METTL6: variants seen among roughly 807,000 people sequenced by gnomAD.
The protein encoded by METTL6 is tRNA N(3)-cytidine methyltransferase METTL6.
A neutral mutation model predicts 26.4 loss-of-function variants in METTL6; 22 were observed. The ratio of observed to expected loss-of-function variants is 0.83; its 90% confidence interval spans 0.59 to 1.19. METTL6 has a LOEUF of 1.19. Among genes scored for constraint, METTL6 ranks in the 50% most tolerant of loss-of-function variants. The pLI is 0.00. For missense variants in METTL6, 304 were observed against 324.8 expected, an observed-to-expected ratio of 0.94 and a Z score of 0.49; for synonymous variants, 109 against 116.2, an observed-to-expected ratio of 0.94 and a Z score of 0.40.
chr3:15,403,555 T>C (rs1699705588), intron 6 of METTL6, among the ~76,000 whole-genome samples: 1 of 152,194 alleles, frequency 6.6e-6, no homozygotes, highest in Non-Finnish European at 1.5e-5. Context: ...CTTCCTCTTT[T>C]TCCTTCTCCT....
intron 3 of METTL6, among the ~76,000 whole-genome samples, chr3:15,419,655 T>C (rs1344929933): frequency 6.6e-6 from 1 of 152,196 alleles, no homozygotes; most frequent in African/African-American, 2.4e-5. Context: ...AGTATGAGCT[T>C]TTTGGAAGGA....
At position 15,423,611 on chromosome 3, in the gene METTL6, G is replaced by A. The variant is rs113565115; in HGVS notation, c.360+1344C>T. On this transcript the variant is annotated intron_variant, in intron 3 of 5. Coordinates refer to ENST00000383790, the MANE Select transcript of METTL6 (RefSeq NM_152396.4). The stretch of plus-strand genomic sequence containing the variant: ...GCCAGGGTCAGCTGCCATGGCTCAC[G>A]CCTGTAATCTCAGCACTTTGGGAGG... Among the ~76,000 whole-genome samples, 848 of 152,232 alleles carry A rather than the reference G, an allele frequency of 5.6e-3. 7 individuals carry two copies. Among genetic ancestry groups the A allele is most frequent in the African/African-American group, 0.018 (762 of 41,552 alleles).
In METTL6 at chr3:15,427,495, T is replaced by A. The variant is rs978542025; in HGVS notation, c.-218A>T. ...TTCTGAGGACCACGAATTCGGATTA[T>A]CCGGGAGTTCTTTTGCCATGGCACC... On this transcript the variant is annotated 5_prime_UTR_variant, in exon 1 of 6. Coordinates refer to ENST00000383790, the MANE Select transcript of METTL6 (RefSeq NM_152396.4). 4.1e-6 allele frequency: 2 copies of A among 490,204 alleles called. No individual in the cohort carries two copies. Among genetic ancestry groups the A allele is most frequent in the African/African-American group, 4.0e-5 (2 of 49,804 alleles). The allele number at this position is 490,204 out of a possible 1,614,324, so 30.4% of individuals were successfully genotyped here. A position where few individuals can be genotyped will look rare whatever the true frequency, so the allele number is the denominator to read the frequency against.
At chr3:15,391,013 G>T (rs753534481) in intron 6 of METTL6, among the ~76,000 whole-genome samples, 3 of 152,236 alleles carry the variant, frequency 2.0e-5, no homozygotes, top group African/African-American at 7.2e-5. Flanking sequence ...GCGGGAAGAA[G>T]GTGATCTTTC....
downstream of METTL6, among the ~76,000 whole-genome samples, chr3:15,407,017 TTTTATTG>T (rs1699821661): frequency 6.6e-6 from 1 of 151,682 alleles, no homozygotes; most frequent in African/African-American, 2.4e-5. Flanking sequence ...TAAATATTGT[TTTTATTG>T]TTTATTTTTT....
chr3:15,411,820 G>A (rs981167563), intron 5 of METTL6, among the ~76,000 whole-genome samples: 5 of 151,722 alleles, frequency 3.3e-5, no homozygotes, highest in African/African-American at 9.7e-5. Flanking sequence ...GCTAGATCAG[G>A]AGCACGATCT....
At chr3:15,388,624 T>C (rs995900773) in intron 6 of METTL6, among the ~76,000 whole-genome samples, 1 of 152,156 alleles carries the variant, frequency 6.6e-6, no homozygotes, top group African/African-American at 2.4e-5. Flanking sequence ...CTGCAGAACA[T>C]CTGAGCACTG....
At chr3:15,402,595 G>A (rs1181754654) in intron 6 of METTL6, among the ~76,000 whole-genome samples, 12 of 151,832 alleles carry the variant, frequency 7.9e-5, no homozygotes, top group Non-Finnish European at 1.5e-4. Flanking sequence ...TTAAGCAGGC[G>A]TGGTGGCACA....
At chr3:15,398,848 C>T (rs1171030577) in intron 6 of METTL6, among the ~76,000 whole-genome samples, 1 of 152,056 alleles carries the variant, frequency 6.6e-6, no homozygotes, top group Non-Finnish European at 1.5e-5. Flanking sequence ...CTTGAATAGG[C>T]GCTGGGTAAA....
chr3:15,412,418 T>C (rs1047249082), intron 5 of METTL6, among the ~76,000 whole-genome samples: 2 of 152,252 alleles, frequency 1.3e-5, no homozygotes, highest in Admixed American at 1.3e-4. Context: ...TACAATTGGT[T>C]TAAATTTTAT....
chr3:15,421,327 A>G (rs899330150), intron 3 of METTL6, among the ~76,000 whole-genome samples: 1 of 152,366 alleles, frequency 6.6e-6, no homozygotes, highest in South Asian at 2.1e-4. Context: ...AAAATTGGAT[A>G]CTGTGTCTAT....
intron 5 of METTL6, 103 bp downstream of exon 5, chr3:15,413,918 C>T: frequency 6.3e-7 from 1 of 1,579,904 alleles, no homozygotes; most frequent in Non-Finnish European, 8.6e-7. Flanking sequence ...GGGTCTCGTG[C>T]ACATGTCGCA....
Position 15,415,938 on chromosome 3 carries a change from T to A in METTL6, c.365A>T (p.Asn122Ile). The A allele has an allele frequency of 6.2e-7, 1 of 1,604,988 alleles. No homozygotes were observed. Among genetic ancestry groups the A allele is most frequent in the South Asian group, 1.1e-5 (1 of 89,620 alleles). The change falls in exon 4 of 6, where the codon AAT (asparagine) becomes ATT (isoleucine). Residue 122 changes from asparagine to isoleucine, a missense_variant. Asn to Ile is a moderately radical substitution (Grantham distance 149). Coordinates refer to ENST00000383790, the MANE Select transcript of METTL6 (RefSeq NM_152396.4). ...SPRAIEYVKQ[N>I]PLYDTERCKV... ...GCATCTTTCTGTATCATATAAAGGA[T>A]TTTGCTACAGGGGGAAGAAATACAA...
In METTL6 at chr3:15,418,785, C is replaced by T. The variant is rs537146652; in HGVS notation, c.361-2843G>A. Among the ~76,000 whole-genome samples the T allele has an allele frequency of 5.9e-5, 9 of 152,160 alleles. No homozygotes were observed. The South Asian group carries it at 1.9e-3, about 32-fold the overall frequency. On this transcript the variant is annotated intron_variant, in intron 3 of 5. Coordinates refer to ENST00000383790, the MANE Select transcript of METTL6 (RefSeq NM_152396.4). ...GTGGCTCACACCTGTAATCCCAGCACTTTGGGAGGCTGAGACAGGAGGATC... is the reference window on the plus strand; with the variant it reads ...GTGGCTCACACCTGTAATCCCAGCATTTTGGGAGGCTGAGACAGGAGGATC...
intron 6 of METTL6, among the ~76,000 whole-genome samples, chr3:15,390,172 A>G (rs1224740869): frequency 1.3e-5 from 2 of 152,148 alleles, no homozygotes; most frequent in Non-Finnish European, 2.9e-5. Flanking sequence ...TCACGCCTGT[A>G]ATCCCAGCAC....
chr3:15,383,646 T>G (rs1408002000), exon 7 of METTL6: 1 of 152,246 alleles, frequency 6.6e-6, no homozygotes, highest in African/African-American at 2.4e-5. Context: ...AATGTATACA[T>G]CTATTACTAT....
intron 2 of METTL6, among the ~76,000 whole-genome samples, chr3:15,425,416 A>G (rs2061695933): frequency 6.6e-6 from 1 of 152,248 alleles, no homozygotes; most frequent in African/African-American, 2.4e-5. Context: ...ACAAATGAGT[A>G]CAATACTAAT....
intron 6 of METTL6, chr3:15,384,374 A>G: frequency 5.5e-6 from 1 of 181,516 alleles, no homozygotes; most frequent in South Asian, 8.9e-5. Flanking sequence ...AGCTCCTAAT[A>G]AAGATAGAGA....
At chr3:15,405,258 C>T (rs1412602229), downstream of METTL6, among the ~76,000 whole-genome samples, 2 of 152,206 alleles carry the variant, frequency 1.3e-5, no homozygotes, top group South Asian at 4.1e-4. Context: ...GAGCCCATCA[C>T]AGACATTACC....
Sources: allele counts gnomAD v4.1 joint callset (sites outside exome capture counted in the v4.1 genomes callset), GRCh38; gene constraint gnomAD v4.1.1; transcripts MANE v1.5; gene names NCBI Gene and HGNC (gene_info 2026-07-23, HGNC 2026-07-21).